The following ZNF578 variants were observed in gnomAD, a reference collection of about 807,000 sequenced individuals.
The protein encoded by ZNF578 is Putative chemokine-related protein B42.
In ZNF578, 8 loss-of-function variants were observed where a neutral mutation model predicts 8.3. That is an observed-to-expected ratio of 0.96 (90% CI 0.56 to 1.74). ZNF578 has a LOEUF of 1.74. Ranked by LOEUF, ZNF578 falls within the 40% of genes most tolerant of loss-of-function variation. The probability of loss-of-function intolerance (pLI) is 0.00; values close to 1 mark genes in which losing one functional copy is unlikely to be tolerated. For missense variants in ZNF578, 726 were observed against 707.5 expected, an observed-to-expected ratio of 1.03 and a Z score of -0.30; for synonymous variants, 206 against 232.2, an observed-to-expected ratio of 0.89 and a Z score of 1.03.
In ZNF578 at chr19:52,514,389, C is replaced by T. The variant is rs1476039165; in HGVS notation, c.*2235C>T. Among the ~76,000 whole-genome samples the T allele has an allele frequency of 6.6e-6, 1 of 152,118 alleles. No individual in the cohort carries two copies. The highest frequency in any genetic ancestry group is 6.5e-5 in the Admixed American group (1 of 15,268). ...GATCGAGGTCTGCATGCTTTCTAGT[C>T]TTTGTTATTTATTGGAAGGCTGTGG... On this transcript the variant is annotated 3_prime_UTR_variant, in exon 6 of 6. Coordinates refer to ENST00000421239, the MANE Select transcript of ZNF578 (RefSeq NM_001099694.2).
At chr19:52,487,581 A>T (rs1441277127) in intron 2 of ZNF578, among the ~76,000 whole-genome samples, 1 of 152,104 alleles carries the variant, frequency 6.6e-6, no homozygotes, top group Non-Finnish European at 1.5e-5. Flanking sequence ...GAGGAGGGCA[A>T]GGGGTAGTGA....
At chr19:52,474,686 A>T (rs1398603025) in intron 2 of ZNF578, 1 of 268,140 alleles carries the variant, frequency 3.7e-6, no homozygotes, top group Non-Finnish European at 7.7e-6. Context: ...ATAAGGGATA[A>T]CTCATACCTG....
chr19:52,495,859 T>C (rs1454332951), intron 3 of ZNF578, among the ~76,000 whole-genome samples: 3 of 152,026 alleles, frequency 2.0e-5, no homozygotes, highest in African/African-American at 7.2e-5. Flanking sequence ...TCTTCCCTTT[T>C]CATGGCTGGG....
intron 3 of ZNF578, among the ~76,000 whole-genome samples, chr19:52,500,268 A>C (rs113714745): frequency 3.3e-5 from 5 of 152,182 alleles, no homozygotes; most frequent in African/African-American, 1.2e-4. Context: ...TGAGACATCA[A>C]TCAATATATG....
chr19:52,476,683 G>C (rs1488524462), intron 2 of ZNF578, among the ~76,000 whole-genome samples: 1 of 152,202 alleles, frequency 6.6e-6, no homozygotes, highest in African/African-American at 2.4e-5. Flanking sequence ...GAGCTGAAAA[G>C]TATATGACTG....
rs1474274454 is a variant in ZNF578 at position 52,515,125 on chromosome 19, G to A, written c.*2971G>A. Among the ~76,000 whole-genome samples the A allele has an allele frequency of 6.6e-6, 1 of 151,360 alleles. No individual in the cohort carries two copies. The highest frequency in any genetic ancestry group is 1.9e-4 in the East Asian group (1 of 5,146). On this transcript the variant is annotated 3_prime_UTR_variant, in exon 6 of 6. Transcript: ENST00000421239. ...ATTACAGGTGCCCTCCACCACTCCC[G>A]GCTCATTTTTTGCATTTTTAGTAGA...
intron 2 of ZNF578, among the ~76,000 whole-genome samples, chr19:52,481,809 C>T (rs759668632): frequency 9.9e-5 from 15 of 152,148 alleles, no homozygotes; most frequent in Non-Finnish European, 1.6e-4. Flanking sequence ...CCTCTAACTG[C>T]AGCCTTGACC....
intron 2 of ZNF578, among the ~76,000 whole-genome samples, chr19:52,479,542 CAAA>C (rs34862610): frequency 9.3e-5 from 6 of 64,242 alleles, no homozygotes; most frequent in Non-Finnish European, 2.0e-4. Flanking sequence ...GACTCCATCT[CAAA>C]AAAAAAAAAA....
intron 2 of ZNF578, among the ~76,000 whole-genome samples, chr19:52,471,484 CT>C (rs2059291639): frequency 2.6e-5 from 4 of 152,208 alleles, no homozygotes; most frequent in Non-Finnish European, 5.9e-5. Flanking sequence ...TGCACTCCCT[CT>C]TTGTATTCTG....
intron 3 of ZNF578, among the ~76,000 whole-genome samples, chr19:52,493,877 C>G (rs2059375968): frequency 6.6e-6 from 1 of 151,816 alleles, no homozygotes; most frequent in South Asian, 2.1e-4. Context: ...GTAACGCCAG[C>G]TATTAGGGAG....
At position 52,516,672 on chromosome 19, in the gene ZNF578, AC is replaced by A. The variant is rs2069789208; in HGVS notation, c.*4521del. 6.6e-6 allele frequency among the ~76,000 whole-genome samples: 1 copy of A among 151,810 alleles called. No individual in the cohort carries two copies. The highest frequency in any genetic ancestry group is 1.5e-5 in the Non-Finnish European group (1 of 67,956). On this transcript the variant is annotated 3_prime_UTR_variant, in exon 6 of 6. Transcript: ENST00000421239. ...ATCAATGTGCTTTGTAATCTCCCCC[AC>A]CCTTCAGAAGGCTCTTTGTAATCCT...
intron 2 of ZNF578, among the ~76,000 whole-genome samples, chr19:52,470,854 C>G (rs1180396707): frequency 6.6e-6 from 1 of 152,142 alleles, no homozygotes; most frequent in Non-Finnish European, 1.5e-5. Flanking sequence ...ATCTATGTCC[C>G]TATCCAAAAC....
At chr19:52,510,175 T>G (rs1020013788) in intron 5 of ZNF578, among the ~76,000 whole-genome samples, 4 of 148,214 alleles carry the variant, frequency 2.7e-5, no homozygotes, top group South Asian at 2.1e-4. Context: ...TTGTGTGGTG[T>G]TTTTTTTTTG....
chr19:52,501,725 G>A lies in ZNF578; in HGVS notation c.-19-102G>A, dbSNP rs1394665989. Reference sequence around the variant, plus strand: ...CTCTGGTGCAGTGGGCAGTGGGGGGGGCTTCTTTGTACAGGGTGATGTCTC... The same window carrying A: ...CTCTGGTGCAGTGGGCAGTGGGGGGAGCTTCTTTGTACAGGGTGATGTCTC... On this transcript the variant is annotated intron_variant, in intron 3 of 5. Coordinates refer to ENST00000421239, the MANE Select transcript of ZNF578 (RefSeq NM_001099694.2). 3.4e-6 allele frequency: 4 copies of A among 1,190,968 alleles called. No homozygotes were observed. In the East Asian group the frequency reaches 9.7e-5, roughly 29 times the overall value. 73.8% of individuals were successfully genotyped at this position (1,190,968 alleles called of 1,614,324 possible). A position where few individuals can be genotyped will look rare whatever the true frequency, so the allele number is the denominator to read the frequency against.
At chr19:52,481,000 G>A (rs970631764) in intron 2 of ZNF578, among the ~76,000 whole-genome samples, 5 of 151,820 alleles carry the variant, frequency 3.3e-5, no homozygotes, top group African/African-American at 1.2e-4. Flanking sequence ...ATAGAGTCAG[G>A]ATTTGCAGGG....
At chr19:52,494,353 G>C (rs324741) in intron 3 of ZNF578, among the ~76,000 whole-genome samples, 30,876 of 151,922 alleles carry the variant, frequency 0.2, 3,261 homozygotes, top group Non-Finnish European at 0.22. Flanking sequence ...AAAATTTAAC[G>C]GGGCATGATA....
intron 2 of ZNF578, among the ~76,000 whole-genome samples, chr19:52,460,386 A>G (rs2059254215): frequency 6.6e-6 from 1 of 150,698 alleles, no homozygotes; most frequent in Non-Finnish European, 1.5e-5. Flanking sequence ...GTTGATTGGC[A>G]TTTGTGTTAT....
chr19:52,480,608 AAAT>A (rs113980450), intron 2 of ZNF578, among the ~76,000 whole-genome samples: 15,055 of 151,634 alleles, frequency 0.099, 1,266 homozygotes, highest in East Asian at 0.33. Context: ...AAAAAAAAAA[AAAT>A]TTTTGGCCGG....
At chr19:52,492,083 G>A (rs1272738146) in intron 3 of ZNF578, among the ~76,000 whole-genome samples, 2 of 144,782 alleles carry the variant, frequency 1.4e-5, no homozygotes, top group African/African-American at 2.5e-5. Flanking sequence ...GCGTGAACCC[G>A]GAAGTTGGAG....
Sources: gnomAD v4.1 joint callset for allele counts (sites outside exome capture counted in the v4.1 genomes callset) on GRCh38, gnomAD v4.1.1 for gene constraint, MANE v1.5 for transcripts, NCBI Gene and HGNC (gene_info 2026-07-23, HGNC 2026-07-21) for gene names.